Variants in STAMBPL1 observed in about 807,000 individuals in gnomAD.
STAMBPL1 encodes the protein AMSH-like protease.
STAMBPL1 carries 44 observed loss-of-function variants against 52.9 expected under a neutral mutation model. That is an observed-to-expected ratio of 0.83 (90% CI 0.65 to 1.07). The LOEUF (loss-of-function observed/expected upper bound fraction) is 1.07, where lower values mean the gene tolerates loss of function less well. Ranked by LOEUF, STAMBPL1 falls within the 50% of genes least tolerant of loss-of-function variation. The pLI, the probability that STAMBPL1 is intolerant of heterozygous loss-of-function variation, is 0.00. For synonymous variants in STAMBPL1, 164 were observed against 177.3 expected, an observed-to-expected ratio of 0.92 and a Z score of 0.60; for missense variants, 511 against 520.8, an observed-to-expected ratio of 0.98 and a Z score of 0.18.
intron 8 of STAMBPL1, among the ~76,000 whole-genome samples, chr10:88,920,951 T>A (rs1484668632): frequency 1.3e-5 from 2 of 152,156 alleles, no homozygotes; most frequent in Admixed American, 1.3e-4. Context: ...TATGTAAAAT[T>A]GAGATAATAA....
chr10:88,909,338 ATTTTGG>A (rs879760130), intron 4 of STAMBPL1, among the ~76,000 whole-genome samples: 26 of 152,308 alleles, frequency 1.7e-4, no homozygotes, highest in Admixed American at 1.6e-3. Context: ...TATATCTATA[ATTTTGG>A]TTATGTCTAG....
intron 1 of STAMBPL1, among the ~76,000 whole-genome samples, chr10:88,899,537 T>C (rs1382894233): frequency 6.6e-6 from 1 of 152,134 alleles, no homozygotes; most frequent in Non-Finnish European, 1.5e-5. Context: ...TGAGCTGGAG[T>C]CTCGCTCTGT....
intron 1 of STAMBPL1, among the ~76,000 whole-genome samples, chr10:88,880,849 C>T (rs1277961266): frequency 6.6e-6 from 1 of 152,240 alleles, no homozygotes; most frequent in Admixed American, 6.5e-5. Context: ...ATCGGCGCCG[C>T]CTGTATGCGC....
intron 2 of STAMBPL1, among the ~76,000 whole-genome samples, chr10:88,904,084 A>G (rs760329388): frequency 1.3e-5 from 2 of 152,204 alleles, no homozygotes; most frequent in Non-Finnish European, 2.9e-5. Flanking sequence ...GACTTCTTTT[A>G]TAGCTTTCTA....
intron 7 of STAMBPL1, among the ~76,000 whole-genome samples, chr10:88,916,084 T>A (rs1420694103): frequency 6.6e-6 from 1 of 152,172 alleles, no homozygotes; most frequent in African/African-American, 2.4e-5. Flanking sequence ...GGGGGGTAAT[T>A]TGTTTTTTCC....
intron 1 of STAMBPL1, among the ~76,000 whole-genome samples, chr10:88,898,232 A>G (rs1296008257): frequency 6.6e-6 from 1 of 152,232 alleles, no homozygotes; most frequent in Non-Finnish European, 1.5e-5. Context: ...GACATTTATA[A>G]GAGTATGCAA....
At chr10:88,902,980 G>T (rs1844983623) in intron 2 of STAMBPL1, among the ~76,000 whole-genome samples, 1 of 152,170 alleles carries the variant, frequency 6.6e-6, no homozygotes, top group Non-Finnish European at 1.5e-5. Flanking sequence ...TCCCCATGTT[G>T]TTGTTCCACT....
chr10:88,906,461 C>T (rs1589368073), intron 3 of STAMBPL1, among the ~76,000 whole-genome samples: 1 of 151,700 alleles, frequency 6.6e-6, no homozygotes, highest in Non-Finnish European at 1.5e-5. Flanking sequence ...AGTCACATGC[C>T]GATTACTTTT....
rs200966286 is a variant in STAMBPL1, at chr10:88,913,399, G to A, written c.719G>A (p.Ser240Asn). 2 of 1,613,644 alleles carry A rather than the reference G, an allele frequency of 1.2e-6. No homozygotes were observed. The highest frequency in any genetic ancestry group is 1.6e-4 in the Middle Eastern group (1 of 6,074). The change falls in exon 6 of 11, where the codon AGC becomes AAC. Residue 240 changes from serine to asparagine, a missense_variant. By Grantham distance (46) the Ser-to-Asn change is conservative (BLOSUM62 1). Coordinates refer to ENST00000371926, the MANE Select transcript of STAMBPL1 (RefSeq NM_020799.4). ...PNKSDATNYA[S>N]HSPPVNRALT... ...AAAAGTGATGCAACCAATTATGCTAGCCACTCTCCTCCTGTAAACAGGGCC... is the reference window on the plus strand; with the variant it reads ...AAAAGTGATGCAACCAATTATGCTAACCACTCTCCTCCTGTAAACAGGGCC...
At chr10:88,919,985 TG>T (rs1310368833) in intron 8 of STAMBPL1, among the ~76,000 whole-genome samples, 1 of 152,012 alleles carries the variant, frequency 6.6e-6, no homozygotes, top group Non-Finnish European at 1.5e-5. Flanking sequence ...TACAGGCACA[TG>T]CCACCATGCC....
chr10:88,900,151 A>G (rs548657389), intron 1 of STAMBPL1, among the ~76,000 whole-genome samples: 9 of 152,264 alleles, frequency 5.9e-5, no homozygotes, highest in African/African-American at 2.2e-4. Context: ...TACAAGAGTA[A>G]TTTTTCTTGA....
At chr10:88,882,221 C>A (rs1844423426) in intron 1 of STAMBPL1, 1 of 152,206 alleles carries the variant, frequency 6.6e-6, no homozygotes, top group African/African-American at 2.4e-5. Flanking sequence ...TCTTGGTACT[C>A]TTGCCCTGTT....
chr10:88,891,928 G>T (rs1589353585), intron 1 of STAMBPL1, among the ~76,000 whole-genome samples: 1 of 152,036 alleles, frequency 6.6e-6, no homozygotes, highest in Non-Finnish European at 1.5e-5. Context: ...GCCTTGGATT[G>T]TATTGAATGA....
At position 88,913,324 on chromosome 10, in the gene STAMBPL1, C is replaced by T. The variant is rs1342837752; in HGVS notation, c.644C>T (p.Ser215Phe). The T allele has an allele frequency of 3.1e-6, 5 of 1,613,882 alleles. No homozygotes were observed. The Admixed American group carries it at 8.3e-5, about 27-fold the overall frequency. Residue 215 changes from serine to phenylalanine, a missense_variant, in exon 6 of 11, where the codon TCC (serine) becomes TTC (phenylalanine). Ser to Phe is a radical substitution (Grantham distance 155, BLOSUM62 -2). Coordinates refer to ENST00000371926, the MANE Select transcript of STAMBPL1 (RefSeq NM_020799.4). ...QIDGSALSCFSTHQNNSLLNV... is the reference protein window; with the variant it reads ...QIDGSALSCFFTHQNNSLLNV... Reference sequence around the variant, plus strand: ...GATGGGAGCGCTTTGTCCTGCTTTTCCACACACCAGAACAATTCCTTGCTG... The same window carrying T: ...GATGGGAGCGCTTTGTCCTGCTTTTTCACACACCAGAACAATTCCTTGCTG...
chr10:88,914,744 C>A lies in STAMBPL1; in HGVS notation c.903+86C>A, dbSNP rs1589376499. 7.3e-6 allele frequency: 4 copies of A among 548,846 alleles called. No homozygotes were observed. The East Asian group carries it at 2.0e-4, about 27-fold the overall frequency. The allele number at this position is 548,846 out of a possible 1,614,324, so 34.0% of individuals were successfully genotyped here. On this transcript the variant is annotated intron_variant, in intron 7 of 10. Coordinates refer to ENST00000371926, the MANE Select transcript of STAMBPL1 (RefSeq NM_020799.4). ...ACTAGATTTCTTCTGATAAGTGGAA[C>A]AGAATAAAACCATGCTAAGAGTTAT...
Position 88,880,351 on chromosome 10 carries a change from C to G in STAMBPL1, c.-341C>G, listed in dbSNP as rs1844369169. Reference sequence around the variant, plus strand: ...TTGCGAGGACGCTGTTCGTCCCCTGCGCTGGGGTGTCCGACAGCGAGGAGG... The same window carrying G: ...TTGCGAGGACGCTGTTCGTCCCCTGGGCTGGGGTGTCCGACAGCGAGGAGG... On this transcript the variant is annotated 5_prime_UTR_variant, in exon 1 of 11. Coordinates refer to ENST00000371926, the MANE Select transcript of STAMBPL1 (RefSeq NM_020799.4). 1 of 152,244 alleles carries G rather than the reference C, an allele frequency of 6.6e-6. No homozygotes were observed. Among genetic ancestry groups the G allele is most frequent in the African/African-American group, 2.4e-5 (1 of 41,444 alleles). 9.4% of individuals were successfully genotyped at this position (152,244 alleles called of 1,614,324 possible). A position where few individuals can be genotyped will look rare whatever the true frequency, so the allele number is the denominator to read the frequency against.
At chr10:88,916,627 A>ATTT in intron 7 of STAMBPL1, 53 bp from the exon 8 acceptor site, 8 of 1,158,662 alleles carry the variant, frequency 6.9e-6, no homozygotes, top group Admixed American at 5.0e-5. Flanking sequence ...CTGTTCAGTT[A>ATTT]TTTTTTTTTT....
At chr10:88,894,737 G>A (rs1232257089) in intron 1 of STAMBPL1, among the ~76,000 whole-genome samples, 1 of 152,004 alleles carries the variant, frequency 6.6e-6, no homozygotes, top group African/African-American at 2.4e-5. Context: ...AGAAATGGAG[G>A]GAAGCATTGT....
At chr10:88,911,647 T>C (rs902659152) in intron 5 of STAMBPL1, among the ~76,000 whole-genome samples, 5 of 152,168 alleles carry the variant, frequency 3.3e-5, no homozygotes, top group African/African-American at 1.2e-4. Flanking sequence ...GCTTTTTTGT[T>C]TGTGTTTTAT....
Sources: gnomAD v4.1 joint callset for allele counts (sites outside exome capture counted in the v4.1 genomes callset) on GRCh38, gnomAD v4.1.1 for gene constraint, MANE v1.5 for transcripts, NCBI Gene and HGNC (gene_info 2026-07-23, HGNC 2026-07-21) for gene names.